DNM3: variants seen among roughly 807,000 people sequenced by gnomAD.
The protein encoded by DNM3 is dynamin 3, also known as dynamin-3.
In DNM3, 47 loss-of-function variants were observed where a neutral mutation model predicts 101.6. The observed-to-expected ratio is 0.46, with a 90% CI of 0.37 to 0.59. The LOEUF (loss-of-function observed/expected upper bound fraction) is 0.59, where lower values mean the gene tolerates loss of function less well. Among genes scored for constraint, DNM3 ranks in the 20% least tolerant of loss-of-function variants. DNM3 has a pLI of 0.00. For synonymous variants in DNM3, 385 were observed against 387.9 expected (o/e 0.99, Z 0.09); for missense variants, 849 against 1,085.7 (o/e 0.78, Z 3.06).
downstream of DNM3, among the ~76,000 whole-genome samples, chr1:172,413,276 A>G (rs1460200178): frequency 3.9e-5 from 6 of 152,042 alleles, no homozygotes; most frequent in Admixed American, 1.3e-4. Flanking sequence ...GCCCAGGCTG[A>G]AGTGCAGTGG....
intron 17 of DNM3, among the ~76,000 whole-genome samples, chr1:172,328,537 T>C (rs1191400645): frequency 2.0e-5 from 3 of 152,044 alleles, no homozygotes; most frequent in Non-Finnish European, 4.4e-5. Flanking sequence ...GAAAACCAAA[T>C]ACCAAATACC....
intron 14 of DNM3, among the ~76,000 whole-genome samples, chr1:172,206,605 T>G (rs150004347): frequency 6.6e-6 from 1 of 152,222 alleles, no homozygotes; most frequent in East Asian, 1.9e-4. Context: ...TGCTGTCTTG[T>G]GCTAAGGCAC....
intron 20 of DNM3, among the ~76,000 whole-genome samples, chr1:172,396,884 A>G (rs2070049375): frequency 6.6e-6 from 1 of 152,226 alleles, no homozygotes; most frequent in Admixed American, 6.5e-5. Flanking sequence ...AAAGACTTTT[A>G]AAGGCATTTC....
chr1:172,234,113 A>C (rs2061443524), intron 14 of DNM3, among the ~76,000 whole-genome samples: 1 of 152,202 alleles, frequency 6.6e-6, no homozygotes, highest in Non-Finnish European at 1.5e-5. Context: ...CCCTGTTTGC[A>C]GATGACATGA....
At chr1:172,115,082 T>C (rs1324933673) in intron 13 of DNM3, among the ~76,000 whole-genome samples, 1 of 152,234 alleles carries the variant, frequency 6.6e-6, no homozygotes, top group East Asian at 1.9e-4. Flanking sequence ...TTTGTATCCA[T>C]ATGAAACATA....
intron 17 of DNM3, among the ~76,000 whole-genome samples, chr1:172,358,048 C>A (rs755254622): frequency 6.6e-6 from 1 of 152,060 alleles, no homozygotes; most frequent in African/African-American, 2.4e-5. Flanking sequence ...CTACCTCCCA[C>A]TCCTCTCCTT....
At chr1:171,962,211 C>CT (rs1287883995) in intron 2 of DNM3, among the ~76,000 whole-genome samples, 3 of 152,210 alleles carry the variant, frequency 2.0e-5, no homozygotes, top group African/African-American at 7.2e-5. Flanking sequence ...CCAATCAACT[C>CT]TTAGAGGCTC....
At chr1:171,964,444 G>A (rs1251084590) in intron 2 of DNM3, among the ~76,000 whole-genome samples, 1 of 151,976 alleles carries the variant, frequency 6.6e-6, no homozygotes, top group Non-Finnish European at 1.5e-5. Context: ...CATATGAGCT[G>A]GAAGCCACCC....
chr1:172,068,889 G>T lies in DNM3; in HGVS notation c.1406G>T (p.Gly469Val). The T allele has an allele frequency of 1.3e-6, 2 of 1,563,058 alleles. No individual in the cohort carries two copies. The highest frequency in any genetic ancestry group is 1.7e-6 in the Non-Finnish European group (2 of 1,153,106). The change falls in exon 11 of 21, where the codon GGG (glycine) becomes GTG (valine). Residue 469 changes from glycine (G) to valine (V), a missense_variant. Transcript: ENST00000627582. ...GCTAACCACATTCGTGAGCGAGAAG[G>T]GAAGACAAAGGACCAGGTAAAGAGA... The part of the protein sequence containing the change: ...IVANHIRERE[G>V]KTKDQVLLLI...
intron 10 of DNM3, among the ~76,000 whole-genome samples, chr1:172,067,592 A>T (rs893801997): frequency 2.0e-5 from 3 of 152,048 alleles, no homozygotes; most frequent in Non-Finnish European, 4.4e-5. Flanking sequence ...GGCAAGCTTC[A>T]TCTTCTCCAC....
At chr1:172,350,316 T>TG (rs2067142079) in intron 17 of DNM3, among the ~76,000 whole-genome samples, 200 of 148,144 alleles carry the variant, frequency 1.4e-3, no homozygotes, top group African/African-American at 4.1e-3. Flanking sequence ...CCATTTTATC[T>TG]TGTGTGTGTG....
chr1:172,191,400 C>G (rs1160558889), intron 14 of DNM3, among the ~76,000 whole-genome samples: 4 of 151,942 alleles, frequency 2.6e-5, no homozygotes, highest in South Asian at 2.1e-4. Flanking sequence ...CCAGTACCAT[C>G]CTGTTTTGGT....
At chr1:171,986,830 G>A (rs2045295133) in intron 2 of DNM3, among the ~76,000 whole-genome samples, 1 of 151,912 alleles carries the variant, frequency 6.6e-6, no homozygotes, top group Non-Finnish European at 1.5e-5. Flanking sequence ...GTGGAGATTT[G>A]TTTCTTTGTT....
chr1:172,375,081 AATCTTTAAGTGTT>A (rs1358849129), intron 17 of DNM3, among the ~76,000 whole-genome samples: 20 of 152,046 alleles, frequency 1.3e-4, no homozygotes, highest in African/African-American at 4.6e-4. Context: ...TTTTCCCCCT[AATCTTTAAGTGTT>A]ATCTTCTTAT....
intron 11 of DNM3, among the ~76,000 whole-genome samples, chr1:172,077,387 T>C (rs1004252137): frequency 1.4e-4 from 22 of 152,232 alleles, no homozygotes; most frequent in African/African-American, 5.3e-4. Context: ...CTTCTCTTGT[T>C]CTTTTAATTG....
rs1020072930 is a variant in DNM3 at position 172,133,235 on chromosome 1, GGAA to G, written c.1659+1952_1659+1954del. 10 of 1,110,946 alleles carry G rather than the reference GGAA, an allele frequency of 9.0e-6. No individual in the cohort carries two copies. The African/African-American group carries it at 1.5e-4, about 16-fold the overall frequency. 68.8% of individuals were successfully genotyped at this position (1,110,946 alleles called of 1,614,324 possible). A position where few individuals can be genotyped will look rare whatever the true frequency, so the allele number is the denominator to read the frequency against. On this transcript the variant is annotated intron_variant, in intron 14 of 20. Coordinates refer to ENST00000627582, the MANE Select transcript of DNM3 (RefSeq NM_015569.5). ...GGTATAGGATGCTCTCTGTAGGGAAGGAAGAAGCTTTGAAGGCTTGGTGAGCTC... is the reference window on the plus strand; with the variant it reads ...GGTATAGGATGCTCTCTGTAGGGAAGGAAGCTTTGAAGGCTTGGTGAGCTC...
intron 2 of DNM3, among the ~76,000 whole-genome samples, chr1:171,974,476 A>T (rs2044234601): frequency 6.6e-6 from 1 of 152,194 alleles, no homozygotes; most frequent in African/African-American, 2.4e-5. Flanking sequence ...TCCTTGTGAG[A>T]GAGTTTTCCA....
At chr1:171,860,833 T>C (rs1301718392) in intron 1 of DNM3, among the ~76,000 whole-genome samples, 3 of 152,002 alleles carry the variant, frequency 2.0e-5, no homozygotes, top group Non-Finnish European at 4.4e-5. Context: ...AAAACGACTC[T>C]CAAGTTTTTG....
intron 14 of DNM3, among the ~76,000 whole-genome samples, chr1:172,238,701 G>T (rs868646781): frequency 6.6e-6 from 1 of 152,032 alleles, no homozygotes; most frequent in African/African-American, 2.4e-5. Flanking sequence ...GAGAGGGGAA[G>T]CTTTGTTGGG....
Sources: gnomAD v4.1 joint callset for allele counts (sites outside exome capture counted in the v4.1 genomes callset) on GRCh38, gnomAD v4.1.1 for gene constraint, MANE v1.5 for transcripts, NCBI Gene and HGNC (gene_info 2026-07-23, HGNC 2026-07-21) for gene names.